Variants in CRTC2 observed in about 807,000 individuals in gnomAD.
The protein encoded by CRTC2 is CREB regulated transcription coactivator 2.
CRTC2 carries 25 observed loss-of-function variants against 70.9 expected under a neutral mutation model. That is an observed-to-expected ratio of 0.35 (90% CI 0.26 to 0.49). The LOEUF (loss-of-function observed/expected upper bound fraction) is 0.49. Among genes scored for constraint, CRTC2 ranks in the 20% least tolerant of loss-of-function variants. The pLI is 0.98. For synonymous variants in CRTC2, 330 were observed against 364.1 expected (o/e 0.91, Z 1.07); for missense variants, 737 against 882.6 (o/e 0.83, Z 2.09).
Position 153,958,504 on chromosome 1 carries a change from T to C in CRTC2, c.-7A>G, listed in dbSNP as rs915419500. 5 of 1,603,754 alleles carry C rather than the reference T, an allele frequency of 3.1e-6. No homozygotes were observed. Among genetic ancestry groups the C allele is most frequent in the Non-Finnish European group, 4.3e-6 (5 of 1,174,014 alleles). ...TCGCCCCCGACGTCGCCATCTTCCT[T>C]CCCCGTCCCTCCCTGCCACCCTCCC... On this transcript the variant is annotated 5_prime_UTR_variant, in exon 1 of 14. Coordinates refer to ENST00000368633, the MANE Select transcript of CRTC2 (RefSeq NM_181715.3).
In CRTC2 at chr1:153,951,285, G is replaced by A; in HGVS notation, c.1379C>T (p.Ser460Leu). 6.2e-7 allele frequency: 1 copy of A among 1,614,086 alleles called. No individual in the cohort carries two copies. The highest frequency in any genetic ancestry group is 1.3e-5 in the African/African-American group (1 of 75,044). ...QLPKQFSPTMSPTLSSITQGV... is the reference protein window; with the variant it reads ...QLPKQFSPTMLPTLSSITQGV... ...CTGAGTGATGGAAGACAAGGTGGGT[G>A]ACATTGTTGGCGAAAACTGTTTGGG... is the stretch of plus-strand genomic sequence containing the variant. Residue 460 changes from serine to leucine, a missense_variant, in exon 11 of 14, where the codon TCA becomes TTA. Transcript: ENST00000368633.
chr1:153,957,102 T>TA, intron 1 of CRTC2, among the ~76,000 whole-genome samples: 1 of 152,230 alleles, frequency 6.6e-6, no homozygotes, highest in East Asian at 1.9e-4. Context: ...CACATGCATT[T>TA]AAGTGTGCAC....
At chr1:153,953,042 G>A (rs1324935428) in intron 6 of CRTC2, 1 of 604,918 alleles carries the variant, frequency 1.7e-6, no homozygotes, top group South Asian at 1.8e-5. Context: ...AATTAGCCAG[G>A]CACAGTGGCA....
intron 1 of CRTC2, 118 bp from the exon 2 acceptor site, chr1:153,955,284 T>C: frequency 1.3e-6 from 1 of 776,714 alleles, no homozygotes; most frequent in East Asian, 2.7e-5. Context: ...TTAAAATATC[T>C]AGGCCAGGCA....
At position 153,952,285 on chromosome 1, in the gene CRTC2, A is replaced by G. The variant is rs376973060; in HGVS notation, c.753-23T>C. ...ATGCTAGGGGAAGGAGAGAAAAAGA[A>G]AGATGTAAATAGGAGGGTGGGTGCA... On this transcript the variant is annotated intron_variant, in intron 9 of 13. Coordinates refer to ENST00000368633, the MANE Select transcript of CRTC2 (RefSeq NM_181715.3). 1.3e-5 allele frequency: 20 copies of G among 1,597,462 alleles called. No homozygotes were observed. The African/African-American group carries it at 1.7e-4, about 14-fold the overall frequency.
intron 11 of CRTC2, 72 bp downstream of exon 11, chr1:153,951,188 G>T: frequency 1.3e-6 from 2 of 1,490,208 alleles, no homozygotes; most frequent in South Asian, 1.2e-5. Flanking sequence ...AGGAAAGGAG[G>T]GTGGGAGGGA....
At chr1:153,953,419 C>T (rs1680463445) in intron 5 of CRTC2, 50 bp from the exon 6 acceptor site, 1 of 1,529,656 alleles carries the variant, frequency 6.5e-7, no homozygotes, top group Non-Finnish European at 9.0e-7. Flanking sequence ...CTTCCTGGTC[C>T]CTAAGCCCTG....
At chr1:153,957,456 T>C (rs1680679500) in intron 1 of CRTC2, among the ~76,000 whole-genome samples, 1 of 152,166 alleles carries the variant, frequency 6.6e-6, no homozygotes, top group African/African-American at 2.4e-5. Flanking sequence ...CTAGGCGGAC[T>C]CCTACCCCTT....
intron 1 of CRTC2, 173 bp downstream of exon 1, chr1:153,958,172 C>G: frequency 7.0e-7 from 1 of 1,422,772 alleles, no homozygotes; most frequent in South Asian, 1.5e-5. Flanking sequence ...TCTCCCCCGG[C>G]AAAATCCTTC....
intron 4 of CRTC2, 126 bp downstream of exon 4, chr1:153,954,129 G>T (rs2102116220): frequency 1.4e-6 from 1 of 731,182 alleles, no homozygotes; most frequent in Non-Finnish European, 2.4e-6. Flanking sequence ...CTCAGCCCTG[G>T]CGTTATAGGA....
intron 4 of CRTC2, 126 bp from the exon 5 acceptor site, chr1:153,953,732 TTTTC>T: frequency 1.6e-6 from 1 of 618,310 alleles, no homozygotes; most frequent in Non-Finnish European, 2.8e-6. Flanking sequence ...GATCATCCCC[TTTTC>T]TTTCTGGTTC....
intron 1 of CRTC2, among the ~76,000 whole-genome samples, 192 bp from the exon 2 acceptor site, chr1:153,955,358 G>C (rs1021015194): frequency 1.3e-5 from 2 of 152,040 alleles, no homozygotes; most frequent in African/African-American, 4.8e-5. Flanking sequence ...ACAAGGTCAG[G>C]AGATCGACAC....
Position 153,952,223 on chromosome 1 carries a change from G to A in CRTC2, c.792C>T (p.Val264=), listed in dbSNP as rs772706280. Residue 264 remains valine, a synonymous_variant, in exon 10 of 14, where the codon GTC becomes GTT. Coordinates refer to ENST00000368633, the MANE Select transcript of CRTC2 (RefSeq NM_181715.3). ...PSPDQPANVP[V]LPPAMNTGGS... ...CCCCCGTGTTCATGGCAGGTGGGAG[G>A]ACAGGCACATTGGCAGGCTGGTCAG... is the stretch of plus-strand genomic sequence containing the variant. 30 of 1,611,616 alleles carry A rather than the reference G, an allele frequency of 1.9e-5. No homozygotes were observed. In the East Asian group the frequency reaches 6.5e-4, roughly 35 times the overall value.
chr1:153,955,115 C>T lies in CRTC2; in HGVS notation c.205G>A (p.Gly69Arg), dbSNP rs1292308827. 4.3e-6 allele frequency: 7 copies of T among 1,614,084 alleles called. No individual in the cohort carries two copies. The highest frequency in any genetic ancestry group is 5.1e-6 in the Non-Finnish European group (6 of 1,179,946). The stretch of plus-strand genomic sequence containing the variant: ...ATCTGGTTAACATTGGGCAGAGACC[C>T]ACCATAATGAGAGCTCCTTGTGTAT... ...LAYTRSSHYG[G>R]SLPNVNQIGS... is the part of the protein sequence containing the mutation. Residue 69 changes from glycine (G) to arginine (R), a missense_variant, in exon 2 of 14, where the codon GGG (glycine) becomes AGG (arginine). By Grantham distance (125) the Gly-to-Arg change is moderately radical. Coordinates refer to ENST00000368633, the MANE Select transcript of CRTC2 (RefSeq NM_181715.3).
intron 6 of CRTC2, 64 bp from the exon 7 acceptor site, chr1:153,952,898 T>C (rs1680432601): frequency 6.3e-7 from 1 of 1,591,376 alleles, no homozygotes; most frequent in Non-Finnish European, 8.6e-7. Flanking sequence ...AATAGCTCCA[T>C]GGAGGCCGGG....
chr1:153,955,081 C>A lies in CRTC2; in HGVS notation c.239G>T (p.Gly80Val), dbSNP rs1423145552. The change falls in exon 2 of 14, where the codon GGC becomes GTC. Residue 80 changes from glycine to valine, a missense_variant. Gly to Val is a moderately radical substitution (Grantham distance 109). Coordinates refer to ENST00000368633, the MANE Select transcript of CRTC2 (RefSeq NM_181715.3). ...TCTACTCACCTGGAACTCGGCCAGGCCAGAGCCAATCTGGTTAACATTGGG... is the reference window on the plus strand; with the variant it reads ...TCTACTCACCTGGAACTCGGCCAGGACAGAGCCAATCTGGTTAACATTGGG... The part of the protein sequence containing the change: ...SLPNVNQIGS[G>V]LAEFQSPLHS... 2 of 1,614,106 alleles carry A rather than the reference C, an allele frequency of 1.2e-6. No homozygotes were observed. Among genetic ancestry groups the A allele is most frequent in the South Asian group, 2.2e-5 (2 of 91,080 alleles).
In CRTC2 at chr1:153,952,165, G is replaced by A. The variant is rs780529187; in HGVS notation, c.850C>T (p.Pro284Ser). ...SLPDLTNLHFPPPLPTPLDPE... is the reference protein window; with the variant it reads ...SLPDLTNLHFSPPLPTPLDPE... ...TCCAGGGGGGTGGGCAGTGGTGGGGGAAAGTGCAGGTTGGTGAGGTCAGGT... is the reference window on the plus strand; with the variant it reads ...TCCAGGGGGGTGGGCAGTGGTGGGGAAAAGTGCAGGTTGGTGAGGTCAGGT... The change falls in exon 10 of 14, where the codon CCC becomes TCC. Residue 284 changes from proline (P) to serine (S), a missense_variant. Coordinates refer to ENST00000368633, the MANE Select transcript of CRTC2 (RefSeq NM_181715.3). The A allele has an allele frequency of 6.2e-7, 1 of 1,614,086 alleles. No individual in the cohort carries two copies. Among genetic ancestry groups the A allele is most frequent in the South Asian group, 1.1e-5 (1 of 91,078 alleles).
Position 153,949,379 on chromosome 1 carries a change from G to A in CRTC2, c.1410C>T (p.Val470=), listed in dbSNP as rs1680201261. 1.2e-6 allele frequency: 2 copies of A among 1,606,414 alleles called. No homozygotes were observed. Among genetic ancestry groups the A allele is most frequent in the East Asian group, 2.2e-5 (1 of 44,778 alleles). Residue 470 remains valine, a synonymous_variant, in exon 12 of 14, where the codon GTC becomes GTT. Transcript: ENST00000368633. ...TGGACAGTTTACTGGTATCCAGGGG[G>A]ACGCCCTGAAAAGAAGTAAAAAGAG... ...SPTLSSITQG[V]PLDTSKLSTD...
In CRTC2 at chr1:153,952,356, T is replaced by G. The variant is rs1470682560; in HGVS notation, c.752+41A>C. 2.5e-6 allele frequency: 4 copies of G among 1,611,514 alleles called. No individual in the cohort carries two copies. In the Admixed American group the frequency reaches 6.7e-5, roughly 27 times the overall value. On this transcript the variant is annotated intron_variant, in intron 9 of 13. Transcript: ENST00000368633. ...ATCAGTCTCCTACATCTCCCTGTAC[T>G]TCCTTCCCCCACCTCTCAGCCAACC... is the stretch of plus-strand genomic sequence containing the variant.
Sources: gnomAD v4.1 joint callset for allele counts (sites outside exome capture counted in the v4.1 genomes callset) on GRCh38, gnomAD v4.1.1 for gene constraint, MANE v1.5 for transcripts, NCBI Gene and HGNC (gene_info 2026-07-23, HGNC 2026-07-21) for gene names.